The following PPFIBP1 variants were observed in gnomAD, a reference collection of about 807,000 sequenced individuals.
PPFIBP1 encodes the protein liprin-beta-1.
In PPFIBP1, 112 loss-of-function variants were observed where a neutral mutation model predicts 137.8. The observed-to-expected ratio is 0.81, with a 90% confidence interval of 0.70 to 0.95. The LOEUF (loss-of-function observed/expected upper bound fraction) is 0.95, where lower values mean the gene tolerates loss of function less well. Ranked by LOEUF, PPFIBP1 falls within the 40% of genes least tolerant of loss-of-function variation. PPFIBP1 has a pLI of 0.00. For synonymous variants in PPFIBP1, 378 were observed against 417.3 expected (o/e 0.91, Z 1.15); for missense variants, 1,083 against 1,196.6 (o/e 0.91, Z 1.40).
At chr12:27,586,471 G>A (rs2051765561) in intron 2 of PPFIBP1, among the ~76,000 whole-genome samples, 1 of 152,186 alleles carries the variant, frequency 6.6e-6, no homozygotes, top group African/African-American at 2.4e-5. Flanking sequence ...GCCAAGGTGG[G>A]CAGATCACTT....
intron 20 of PPFIBP1, 48 bp from the exon 21 acceptor site, chr12:27,679,885 T>G: frequency 6.2e-7 from 1 of 1,607,186 alleles, no homozygotes; most frequent in African/African-American, 1.3e-5. Context: ...TTAACAAGTC[T>G]AAGGCCTCCT....
intron 1 of PPFIBP1, among the ~76,000 whole-genome samples, chr12:27,531,320 T>A (rs973617854): frequency 6.6e-6 from 1 of 152,142 alleles, no homozygotes; most frequent in Admixed American, 6.5e-5. Context: ...TTTGAGACAG[T>A]CTCGTGCTGT....
intron 4 of PPFIBP1, among the ~76,000 whole-genome samples, chr12:27,641,663 G>T (rs894342792): frequency 2.0e-5 from 3 of 152,092 alleles, no homozygotes; most frequent in African/African-American, 7.2e-5. Flanking sequence ...TAAAAAGAAG[G>T]CTTTCTAGCT....
chr12:27,623,809 T>C (rs1258968933), intron 2 of PPFIBP1, among the ~76,000 whole-genome samples: 1 of 152,138 alleles, frequency 6.6e-6, no homozygotes, highest in Non-Finnish European at 1.5e-5. Context: ...AAACAGGGCA[T>C]ATGGGAGCCA....
intron 7 of PPFIBP1, among the ~76,000 whole-genome samples, chr12:27,651,633 G>A (rs2058881093): frequency 6.6e-6 from 1 of 152,118 alleles, no homozygotes; most frequent in Admixed American, 6.5e-5. Context: ...GTCAACAGAT[G>A]GGCAACATGG....
chr12:27,694,517 T>G lies in PPFIBP1; in HGVS notation c.*1635T>G, dbSNP rs2061689386. The G allele has an allele frequency of 6.6e-6, 1 of 152,230 alleles. No homozygotes were observed. The highest frequency in any genetic ancestry group is 2.1e-4 in the South Asian group (1 of 4,836). 9.4% of individuals were successfully genotyped at this position (152,230 alleles called of 1,614,324 possible). ...TCAGGCTATCAATGAATGGAGGTTT[T>G]TAAAAAGTTGAATATTTGTCTGAAC... On this transcript the variant is annotated 3_prime_UTR_variant, in exon 30 of 30. Coordinates refer to ENST00000228425, the MANE Select transcript of PPFIBP1 (RefSeq NM_003622.4).
At chr12:27,688,543 A>G (rs1201098447) in intron 26 of PPFIBP1, 120 bp downstream of exon 26, 1 of 1,197,032 alleles carries the variant, frequency 8.4e-7, no homozygotes, top group South Asian at 1.5e-5. Context: ...CTCCTGCCCT[A>G]TTTCTAGTAA....
intron 6 of PPFIBP1, among the ~76,000 whole-genome samples, chr12:27,649,528 A>G (rs996815320): frequency 2.6e-5 from 4 of 152,136 alleles, no homozygotes; most frequent in African/African-American, 7.2e-5. Flanking sequence ...GAGGGTAACT[A>G]AAGTGAATAG....
chr12:27,659,141 G>C (rs1247556159), intron 10 of PPFIBP1, among the ~76,000 whole-genome samples: 2 of 152,218 alleles, frequency 1.3e-5, no homozygotes, highest in Non-Finnish European at 2.9e-5. Context: ...GTGATTCAGG[G>C]TCAGAGGAGA....
In PPFIBP1 at chr12:27,679,841, G is replaced by A. The variant is rs751745392; in HGVS notation, c.1767-92G>A. On this transcript the variant is annotated intron_variant, in intron 20 of 29. Transcript: ENST00000228425. ...TATGTTAACAACACAAAGAGGATTA[G>A]TTCCAGTAGGTGCACTAGTTAAAAA... The A allele has an allele frequency of 4.7e-6, 7 of 1,500,156 alleles. No homozygotes were observed. In the Admixed American group the frequency reaches 7.8e-5, roughly 17 times the overall value. 92.9% of individuals were successfully genotyped at this position (1,500,156 alleles called of 1,614,324 possible). A position where few individuals can be genotyped will look rare whatever the true frequency, so the allele number is the denominator to read the frequency against.
intron 12 of PPFIBP1, among the ~76,000 whole-genome samples, chr12:27,664,826 C>T (rs2059762140): frequency 6.6e-6 from 1 of 152,138 alleles, no homozygotes; most frequent in African/African-American, 2.4e-5. Context: ...TGATGAGCAA[C>T]CTCTGGTAGC....
intron 1 of PPFIBP1, among the ~76,000 whole-genome samples, chr12:27,538,845 G>T (rs1278210994): frequency 6.6e-6 from 1 of 152,216 alleles, no homozygotes; most frequent in Non-Finnish European, 1.5e-5. Context: ...TCAAATAGGG[G>T]CAGTAATACT....
At chr12:27,621,456 C>T (rs2056337987) in intron 2 of PPFIBP1, among the ~76,000 whole-genome samples, 1 of 152,180 alleles carries the variant, frequency 6.6e-6, no homozygotes, top group Admixed American at 6.5e-5. Context: ...TAGTATTTGG[C>T]TCAGTATTCG....
chr12:27,557,797 T>A (rs2048825460), intron 1 of PPFIBP1, among the ~76,000 whole-genome samples: 1 of 152,226 alleles, frequency 6.6e-6, no homozygotes, highest in South Asian at 2.1e-4. Context: ...AGGGGTTTTA[T>A]ATGAAAAATG....
chr12:27,526,981 G>A (rs1000183046), intron 1 of PPFIBP1, among the ~76,000 whole-genome samples: 1 of 152,042 alleles, frequency 6.6e-6, no homozygotes, highest in African/African-American at 2.4e-5. Context: ...CAAGTTCACC[G>A]AGGGACAGTT....
intron 2 of PPFIBP1, among the ~76,000 whole-genome samples, chr12:27,583,747 C>G (rs954764280): frequency 3.9e-5 from 6 of 152,186 alleles, no homozygotes; most frequent in Non-Finnish European, 1.5e-5. Context: ...CTTTTCTCCT[C>G]TTGTTAGCCA....
chr12:27,592,087 G>A (rs1228295418), intron 2 of PPFIBP1, among the ~76,000 whole-genome samples: 1 of 152,230 alleles, frequency 6.6e-6, no homozygotes, highest in Non-Finnish European at 1.5e-5. Flanking sequence ...AATTTCCTGA[G>A]AAAGAATTTC....
At chr12:27,627,140 G>C (rs1409918121) in intron 2 of PPFIBP1, among the ~76,000 whole-genome samples, 2 of 152,088 alleles carry the variant, frequency 1.3e-5, no homozygotes, top group Non-Finnish European at 2.9e-5. Context: ...ATTTATAAAT[G>C]TACAGTAAAT....
chr12:27,677,216 C>G, intron 19 of PPFIBP1, 120 bp downstream of exon 19: 1 of 1,262,912 alleles, frequency 7.9e-7, no homozygotes, highest in Non-Finnish European at 1.1e-6. Context: ...ATGTAGTTCT[C>G]TATTCCGGAG....
Sources: gnomAD v4.1 joint callset for allele counts (sites outside exome capture counted in the v4.1 genomes callset) on GRCh38, gnomAD v4.1.1 for gene constraint, MANE v1.5 for transcripts, NCBI Gene and HGNC (gene_info 2026-07-23, HGNC 2026-07-21) for gene names.